Variants in ZFP64 observed in about 807,000 individuals in gnomAD.
The protein encoded by ZFP64 is zinc finger protein 64.
In ZFP64, 14 loss-of-function variants were observed where a neutral mutation model predicts 51.6. The ratio of observed to expected loss-of-function variants is 0.27; its 90% CI spans 0.18 to 0.42. The LOEUF is 0.42. ZFP64 is among the 10% of genes least tolerant of loss of function. The pLI, the probability that ZFP64 is intolerant of heterozygous loss-of-function variation, is 1.00. For missense variants in ZFP64, 754 were observed against 906.8 expected, an observed-to-expected ratio of 0.83 and a Z score of 2.16; for synonymous variants, 375 against 361.4, an observed-to-expected ratio of 1.04 and a Z score of -0.43.
At chr20:52,129,151 G>A (rs970440886) in intron 5 of ZFP64, among the ~76,000 whole-genome samples, 2 of 150,988 alleles carry the variant, frequency 1.3e-5, no homozygotes, top group African/African-American at 2.4e-5. Context: ...GCGCGATCTC[G>A]GCTCACTGCA....
intron 2 of ZFP64, among the ~76,000 whole-genome samples, chr20:52,170,034 C>T (rs1317474951): frequency 6.6e-6 from 1 of 150,944 alleles, no homozygotes; most frequent in East Asian, 1.9e-4. Flanking sequence ...GCCTGGGCAA[C>T]AAGAGCAAAA....
At chr20:52,108,938 A>C (rs1410554292) in intron 5 of ZFP64, among the ~76,000 whole-genome samples, 1 of 151,892 alleles carries the variant, frequency 6.6e-6, no homozygotes, top group Admixed American at 6.6e-5. Context: ...AATGAAAGCA[A>C]AGTATCATTG....
At chr20:52,150,204 C>CAAAAA (rs11474043), downstream of ZFP64, among the ~76,000 whole-genome samples, 1 of 137,540 alleles carries the variant, frequency 7.3e-6, no homozygotes, top group Non-Finnish European at 1.6e-5. Flanking sequence ...GACTCCACCT[C>CAAAAA]AAAAAAAAAA....
rs1362698019 is a variant in ZFP64, at chr20:52,113,909, C to T, written c.764-15322G>A. ...GATCAAAATACTGTGGTAGTGTGAT[C>T]GGGAGTGACTGGGTGGTAGTGGTGG... On this transcript the variant is annotated intron_variant, in intron 5 of 8. Coordinates refer to the ZFP64 transcript ENST00000361387. 3.3e-5 allele frequency among the ~76,000 whole-genome samples: 5 copies of T among 151,992 alleles called. No homozygotes were observed. The South Asian group carries it at 8.3e-4, about 25-fold the overall frequency.
In ZFP64 at chr20:52,152,791, G is replaced by A. The variant is rs1219257275; in HGVS notation, c.1401C>T (p.Pro467=). ...DVTVLQFQID[P]SKQPATPLTV... is the part of the protein sequence containing the mutation. ...TGAGGGGCGTGGCGGGCTGCTTGCT[G>A]GGGTCGATCTGAAACTGGAGAACGG... The change falls in exon 6 of 6, where the codon CCC becomes CCT. Residue 467 remains proline (P), a synonymous_variant. Transcript: ENST00000216923. The A allele has an allele frequency of 1.2e-6, 2 of 1,609,070 alleles. No homozygotes were observed. The highest frequency in any genetic ancestry group is 1.7e-6 in the Non-Finnish European group (2 of 1,176,122).
intron 5 of ZFP64, among the ~76,000 whole-genome samples, chr20:52,154,037 T>A (rs937600390): frequency 7.2e-5 from 11 of 152,154 alleles, no homozygotes; most frequent in South Asian, 2.1e-4. Context: ...TTGATTTTTT[T>A]TAAAAAAAAT....
chr20:52,119,555 C>CATATAT (rs1160872873), intron 5 of ZFP64, among the ~76,000 whole-genome samples: 1 of 77,712 alleles, frequency 1.3e-5, no homozygotes, highest in African/African-American at 4.5e-5. Context: ...TATATATATA[C>CATATAT]ATATATATAT....
chr20:52,111,100 A>G (rs1600717156), intron 5 of ZFP64: 1 of 921,252 alleles, frequency 1.1e-6, no homozygotes, highest in Non-Finnish European at 1.8e-6. Flanking sequence ...CGGCAGGGAG[A>G]GAGACGCGGA....
chr20:52,153,856 A>T lies in ZFP64; in HGVS notation c.764-428T>A, dbSNP rs1365012245. Among the ~76,000 whole-genome samples the T allele has an allele frequency of 6.6e-6, 1 of 152,150 alleles. No homozygotes were observed. Among genetic ancestry groups the T allele is most frequent in the Non-Finnish European group, 1.5e-5 (1 of 68,028 alleles). On this transcript the variant is annotated intron_variant, in intron 5 of 5. Coordinates refer to ENST00000216923, the MANE Select transcript of ZFP64 (RefSeq NM_018197.3). The surrounding 1 kb of genome is among the most constrained non-coding windows in gnomAD (Gnocchi z 5.1). ...AACAGATTCAACAATATATTTTCGAATGGGTCAGCTCCGTGCTGCACTCAT... is the reference window on the plus strand; with the variant it reads ...AACAGATTCAACAATATATTTTCGATTGGGTCAGCTCCGTGCTGCACTCAT...
intron 5 of ZFP64, among the ~76,000 whole-genome samples, chr20:52,119,531 AAAATATAT>A (rs1220956320): frequency 4.6e-5 from 3 of 65,184 alleles, no homozygotes; most frequent in South Asian, 3.8e-4. Context: ...AAAAAAAAAA[AAAATATAT>A]ATATATATAT....
chr20:52,149,835 T>C (rs1234175283), downstream of ZFP64, among the ~76,000 whole-genome samples: 1 of 152,046 alleles, frequency 6.6e-6, no homozygotes, highest in Admixed American at 6.6e-5. Flanking sequence ...AAAGGAAATA[T>C]AGAATATAAA....
At chr20:52,096,929 G>C (rs1457406721) in intron 7 of ZFP64, 2 of 399,778 alleles carry the variant, frequency 5.0e-6, no homozygotes, top group East Asian at 1.4e-4. Flanking sequence ...TTTAGGCTTT[G>C]TGCACCCTAC....
At chr20:52,157,465 A>C (rs372336255) in intron 5 of ZFP64, among the ~76,000 whole-genome samples, 3 of 152,284 alleles carry the variant, frequency 2.0e-5, no homozygotes, top group East Asian at 3.9e-4. Context: ...TCAAAGGTAC[A>C]TTTTGCAATC....
chr20:52,183,393 A>T (rs1435122037), intron 2 of ZFP64, among the ~76,000 whole-genome samples: 1 of 152,086 alleles, frequency 6.6e-6, no homozygotes, highest in Non-Finnish European at 1.5e-5. Flanking sequence ...CCACTGTGAG[A>T]GGTTCTGGGA....
intron 5 of ZFP64, among the ~76,000 whole-genome samples, chr20:52,155,968 C>T (rs990522280): frequency 3.9e-5 from 6 of 152,184 alleles, no homozygotes; most frequent in African/African-American, 4.8e-5. Context: ...GGAAAATGAA[C>T]ATTCCACGAA....
chr20:52,096,893 A>G (rs902087102), intron 7 of ZFP64: 2 of 354,046 alleles, frequency 5.6e-6, no homozygotes, highest in Admixed American at 3.7e-5. Flanking sequence ...TGTCTCAGAG[A>G]AAAAAACAAA....
rs573680674 is a variant in ZFP64, at chr20:52,104,825, C to T, written c.764-6238G>A. 281 of 630,060 alleles carry T rather than the reference C, an allele frequency of 4.5e-4. 1 individual carries two copies. The highest frequency in any genetic ancestry group is 4.4e-3 in the African/African-American group (244 of 55,584). 39.0% of individuals were successfully genotyped at this position (630,060 alleles called of 1,614,324 possible). A position where few individuals can be genotyped will look rare whatever the true frequency, so the allele number is the denominator to read the frequency against. On this transcript the variant is annotated intron_variant, in intron 5 of 8. Transcript: ENST00000361387. Reference sequence around the variant, plus strand: ...GCCGGAGACTCGGGTGCCCGCGCATCCCGAAAACAGCCTCTGAGGGGTCCT... The same window carrying T: ...GCCGGAGACTCGGGTGCCCGCGCATTCCGAAAACAGCCTCTGAGGGGTCCT...
At chr20:52,115,254 G>A (rs1258218332) in intron 5 of ZFP64, among the ~76,000 whole-genome samples, 2 of 147,244 alleles carry the variant, frequency 1.4e-5, no homozygotes, top group South Asian at 2.1e-4. Flanking sequence ...AGCATGCTTA[G>A]AGCTCTAAGA....
chr20:52,088,357 A>C, intron 8 of ZFP64: 2 of 1,601,250 alleles, frequency 1.2e-6, no homozygotes, highest in Non-Finnish European at 1.7e-6. Context: ...TTAGAGAAAA[A>C]GTAAGGGATT....
Sources: allele counts gnomAD v4.1 joint callset (sites outside exome capture counted in the v4.1 genomes callset), GRCh38; gene constraint gnomAD v4.1.1; non-coding constraint Gnocchi (gnomAD v3.1); transcripts MANE v1.5; gene names NCBI Gene and HGNC (gene_info 2026-07-23, HGNC 2026-07-21).